Variants in DCAF4 observed in about 807,000 individuals in gnomAD.
DCAF4 encodes the protein DDB1 and CUL4 associated factor 4.
Under a neutral mutation model 60.9 loss-of-function variants are expected in DCAF4, and 37 were observed. The ratio of observed to expected loss-of-function variants is 0.61; its 90% CI spans 0.47 to 0.80. The LOEUF (loss-of-function observed/expected upper bound fraction) is 0.80. DCAF4 is among the 30% of genes least tolerant of loss of function. DCAF4 has a pLI of 0.00. For missense variants in DCAF4, 577 were observed against 650.0 expected, an observed-to-expected ratio of 0.89 and a Z score of 1.22; for synonymous variants, 243 against 254.8, an observed-to-expected ratio of 0.95 and a Z score of 0.44.
At chr14:72,940,597 T>TG (rs1050013347) in intron 4 of DCAF4, 2 of 463,084 alleles carry the variant, frequency 4.3e-6, no homozygotes, top group African/African-American at 2.1e-5. Flanking sequence ...AGTTGTTTTT[T>TG]TTTTTTTTTT....
In DCAF4 at chr14:72,937,994, T is replaced by C. The variant is rs751470383; in HGVS notation, c.16T>C (p.Trp6Arg). 1.7e-5 allele frequency: 28 copies of C among 1,606,180 alleles called. No individual in the cohort carries two copies. Among genetic ancestry groups the C allele is most frequent in the Admixed American group, 3.5e-5 (2 of 57,410 alleles). Residue 6 changes from tryptophan to arginine, a missense_variant, in exon 2 of 14, where the codon TGG becomes CGG. Trp to Arg is a moderately radical substitution (Grantham distance 101). Transcript: ENST00000358377. MNKSR[W>R]QSRRRHGRRS... ...AGGAACAGAAATGAATAAAAGTCGC[T>C]GGCAGAGTAGAAGACGACATGGGAG...
intron 12 of DCAF4, among the ~76,000 whole-genome samples, chr14:72,955,982 GTA>G: frequency 7.6e-6 from 1 of 130,920 alleles, no homozygotes. Context: ...GAGTGCAGTG[GTA>G]CTATCTTGGC....
chr14:72,940,198 C>G, intron 3 of DCAF4, 22 bp from the exon 4 acceptor site: 1 of 1,613,668 alleles, frequency 6.2e-7, no homozygotes, highest in South Asian at 1.1e-5. Context: ...GAAATTGGTG[C>G]ATTTAATTTT....
downstream of DCAF4, among the ~76,000 whole-genome samples, chr14:72,960,425 T>C (rs1469274985): frequency 1.4e-4 from 22 of 152,066 alleles, no homozygotes; most frequent in African/African-American, 5.1e-4. Context: ...GCTGGGATTA[T>C]AGGCCTGAGC....
chr14:72,954,294 A>T (rs1891970993), intron 10 of DCAF4, 32 bp downstream of exon 10: 1 of 1,612,944 alleles, frequency 6.2e-7, no homozygotes, highest in Non-Finnish European at 8.5e-7. Context: ...CCCAGAGAAG[A>T]GGCCTTAACA....
rs774004179 is a variant in DCAF4, at chr14:72,958,808, C to A, written c.*3C>A. 3.2e-6 allele frequency: 5 copies of A among 1,551,506 alleles called. No homozygotes were observed. Among genetic ancestry groups the A allele is most frequent in the Non-Finnish European group, 4.3e-6 (5 of 1,151,874 alleles). ...TTTACTGTTACTCCTACAGCTAATT[C>A]TGCAGGGCACAGCCCAGAGCCATGT... On this transcript the variant is annotated 3_prime_UTR_variant, in exon 14 of 14. Coordinates refer to ENST00000358377, the MANE Select transcript of DCAF4 (RefSeq NM_015604.4).
At chr14:72,953,291 C>T (rs985395853) in intron 9 of DCAF4, among the ~76,000 whole-genome samples, 4 of 152,134 alleles carry the variant, frequency 2.6e-5, no homozygotes, top group African/African-American at 4.8e-5. Flanking sequence ...TGAGCCACCA[C>T]GCCTGGCATG....
At position 72,959,363 on chromosome 14, in the gene DCAF4, G is replaced by A. The variant is rs117651766; in HGVS notation, c.*558G>A. 0.019 allele frequency: 19,031 copies of A among 985,546 alleles called. 210 individuals are homozygous for A. Among genetic ancestry groups the A allele is most frequent in the Non-Finnish European group, 0.021 (17,248 of 830,034 alleles). 61.1% of individuals were successfully genotyped at this position (985,546 alleles called of 1,614,324 possible). A position where few individuals can be genotyped will look rare whatever the true frequency, so the allele number is the denominator to read the frequency against. ...TTCTCAAACTCAGCAGCAGATCTCCGGGATTCTGCTGTTATTATCCAAAGG... is the reference window on the plus strand; with the variant it reads ...TTCTCAAACTCAGCAGCAGATCTCCAGGATTCTGCTGTTATTATCCAAAGG... On this transcript the variant is annotated 3_prime_UTR_variant, in exon 14 of 14. Transcript: ENST00000358377.
Position 72,958,702 on chromosome 14 carries a change from A to C in DCAF4, c.1385A>C (p.Asp462Ala), listed in dbSNP as rs1462646891. Residue 462 changes from aspartate (D) to alanine (A), a missense_variant, in exon 14 of 14, where the codon GAC (aspartate) becomes GCC (alanine). Physicochemically the swap from Asp to Ala is moderately radical, Grantham distance 126. Transcript: ENST00000358377. ...TCCCCGTACCCTGCCTCCAAGGCCG[A>C]CATTCCCAGTGTGGCCTTCTCGTCG... Reference protein sequence around the residue: ...IPSPYPASKADIPSVAFSSRL... With the variant: ...IPSPYPASKAAIPSVAFSSRL... 28 of 1,614,022 alleles carry C rather than the reference A, an allele frequency of 1.7e-5. No homozygotes were observed. Among genetic ancestry groups the C allele is most frequent in the Non-Finnish European group, 2.4e-5 (28 of 1,180,016 alleles).
chr14:72,947,045 A>C, intron 7 of DCAF4, 97 bp from the exon 8 acceptor site: 1 of 1,481,196 alleles, frequency 6.8e-7, no homozygotes, highest in Non-Finnish European at 9.4e-7. Context: ...CAGGACGTGA[A>C]GAGAGAAGTC....
chr14:72,955,789 G>A, intron 12 of DCAF4, 93 bp downstream of exon 12: 1 of 1,236,310 alleles, frequency 8.1e-7, no homozygotes, highest in Admixed American at 2.2e-5. Context: ...CTCACACCAA[G>A]ACCCCAGGCA....
chr14:72,926,765 C>T (rs561777664), intron 1 of DCAF4: 1 of 152,430 alleles, frequency 6.6e-6, no homozygotes, highest in South Asian at 2.1e-4. Flanking sequence ...GCCCTCCGGC[C>T]GGATCAGTGC....
rs751709816 is a variant in DCAF4, at chr14:72,943,094, C to T, written c.532C>T (p.Leu178=). The T allele has an allele frequency of 1.9e-6, 3 of 1,614,052 alleles. No individual in the cohort carries two copies. Among genetic ancestry groups the T allele is most frequent in the South Asian group, 2.2e-5 (2 of 91,076 alleles). The part of the protein sequence containing the change: ...ALASDRFNLI[L]ADTNSDRLFT... ...GGCAAGCGACCGATTTAACCTCATA[C>T]TGGTGAGTGGGAGGGGGACACCTGC... Residue 178 remains leucine (L), a splice_region_variant and synonymous_variant, in exon 6 of 14, where the codon CTG becomes TTG. Transcript: ENST00000358377.
chr14:72,940,042 G>A, intron 3 of DCAF4, 140 bp downstream of exon 3: 3 of 1,166,188 alleles, frequency 2.6e-6, no homozygotes, highest in African/African-American at 1.6e-5. Context: ...GTGGTCATGA[G>A]GCAAACCGCC....
chr14:72,939,941 C>G, intron 3 of DCAF4, 39 bp downstream of exon 3: 1 of 1,537,488 alleles, frequency 6.5e-7, no homozygotes, highest in Non-Finnish European at 8.8e-7. Flanking sequence ...GGCCCTTGCA[C>G]ACAGGGAAGG....
intron 9 of DCAF4, 57 bp downstream of exon 9, chr14:72,951,934 G>T (rs1357421453): frequency 1.3e-5 from 21 of 1,595,260 alleles, no homozygotes; most frequent in Non-Finnish European, 1.7e-5. Flanking sequence ...GAGCTGTGTG[G>T]GGGTGGCTTA....
chr14:72,937,039 G>C (rs973216483), intron 1 of DCAF4, among the ~76,000 whole-genome samples: 15 of 152,238 alleles, frequency 9.9e-5, no homozygotes, highest in African/African-American at 3.6e-4. Flanking sequence ...AAGGCGAGGA[G>C]AGAGGAAGCT....
chr14:72,941,652 C>A, intron 4 of DCAF4, 93 bp from the exon 5 acceptor site: 1 of 1,228,896 alleles, frequency 8.1e-7, no homozygotes, highest in Non-Finnish European at 1.2e-6. Context: ...TGCCTGTTTC[C>A]TTCATTACAT....
At position 72,956,430 on chromosome 14, in the gene DCAF4, C is replaced by A. The variant is rs563806147; in HGVS notation, c.1224C>A (p.Tyr408Ter). 6.2e-6 allele frequency: 10 copies of A among 1,613,386 alleles called. No individual in the cohort carries two copies. Among genetic ancestry groups the A allele is most frequent in the Non-Finnish European group, 8.5e-6 (10 of 1,179,672 alleles). ...DLRTTKCVRQ[Y>*]EGHVNEYAYL... Reference sequence around the variant, plus strand: ...GGACCACGAAGTGCGTAAGGCAGTACGAAGGCCACGTGAATGAGTACGCCT... The same window carrying A: ...GGACCACGAAGTGCGTAAGGCAGTAAGAAGGCCACGTGAATGAGTACGCCT... Residue 408 changes from tyrosine (Y) to a stop codon, truncating the protein, a stop_gained, in exon 13 of 14, where the codon TAC (tyrosine) becomes TAA (stop). Transcript: ENST00000358377. LOFTEE classifies it high-confidence loss of function.
Sources: allele counts gnomAD v4.1 joint callset (sites outside exome capture counted in the v4.1 genomes callset), GRCh38; gene constraint gnomAD v4.1.1; transcripts MANE v1.5; gene names NCBI Gene and HGNC (gene_info 2026-07-23, HGNC 2026-07-21).